The following SEPTIN3 variants were observed in gnomAD, a reference collection of about 807,000 sequenced individuals.
SEPTIN3 encodes the protein septin 3.
In SEPTIN3, 15 loss-of-function variants were observed where a neutral mutation model predicts 45.1. That is an observed-to-expected ratio of 0.33 (90% CI 0.22 to 0.51). The LOEUF is 0.51. SEPTIN3 is among the 20% of genes least tolerant of loss of function. The pLI, the probability that SEPTIN3 is intolerant of heterozygous loss-of-function variation, is 0.97. For missense variants in SEPTIN3, 289 were observed against 457.2 expected (o/e 0.63, Z 3.35); for synonymous variants, 148 against 164.8 (o/e 0.90, Z 0.78).
chr22:41,992,579 C>A, intron 8 of SEPTIN3, 85 bp from the exon 9 acceptor site: 2 of 800,764 alleles, frequency 2.5e-6, no homozygotes, highest in Non-Finnish European at 4.1e-6. Context: ...GGCTAGAGGA[C>A]CATATGCCAT....
At chr22:41,985,012 C>T (rs190886017) in intron 3 of SEPTIN3, among the ~76,000 whole-genome samples, 13 of 152,194 alleles carry the variant, frequency 8.5e-5, no homozygotes, top group African/African-American at 1.9e-4. Context: ...GCCACCACGC[C>T]GGGCTAATTT....
chr22:41,988,846 C>G (rs2078252498), intron 6 of SEPTIN3, among the ~76,000 whole-genome samples: 1 of 152,282 alleles, frequency 6.6e-6, no homozygotes, highest in Middle Eastern at 3.4e-3. Context: ...GATGTACACA[C>G]TAGGCACGGT....
intron 4 of SEPTIN3, 102 bp from the exon 5 acceptor site, chr22:41,987,104 A>T: frequency 1.2e-6 from 1 of 813,656 alleles, no homozygotes; most frequent in Non-Finnish European, 1.9e-6. Flanking sequence ...CCAATAACTG[A>T]TCCTGAAGAC....
At chr22:41,996,292 T>G in intron 11 of SEPTIN3, 1 of 985,410 alleles carries the variant, frequency 1.0e-6, no homozygotes, top group Non-Finnish European at 1.2e-6. Flanking sequence ...GTAAGATTCA[T>G]GAAATTCGGG....
intron 6 of SEPTIN3, among the ~76,000 whole-genome samples, chr22:41,988,073 A>G (rs62241003): frequency 0.011 from 1,619 of 152,142 alleles, 10 homozygotes; most frequent in Non-Finnish European, 0.018. Context: ...AGCAGAGGGC[A>G]CTTCATTTAT....
intron 9 of SEPTIN3, among the ~76,000 whole-genome samples, chr22:41,993,616 A>G (rs536761402): frequency 2.0e-5 from 3 of 152,212 alleles, no homozygotes; most frequent in South Asian, 2.1e-4. Context: ...TTGGCCTCCC[A>G]AAGTGCTGGG....
At chr22:41,978,308 T>C (rs2078063055) in intron 2 of SEPTIN3, among the ~76,000 whole-genome samples, 1 of 152,190 alleles carries the variant, frequency 6.6e-6, no homozygotes, top group South Asian at 2.1e-4. Context: ...GCCTGTGGTA[T>C]GCTGGGTAGA....
At chr22:41,977,432 C>G (rs2078047701) in intron 2 of SEPTIN3, among the ~76,000 whole-genome samples, 1 of 152,136 alleles carries the variant, frequency 6.6e-6, no homozygotes, top group Admixed American at 6.5e-5. Context: ...TACGTCCCCT[C>G]CCCCGCAACC....
rs2078393509 is a variant in SEPTIN3, at chr22:41,994,654, C to A, written c.2445C>A (p.His815Gln). ...THLQDLKEVTHNIHYETYRAK... is the reference protein window; with the variant it reads ...THLQDLKEVTQNIHYETYRAK... ...TCCAGGACCTCAAGGAAGTGACACACAACATCCACTATGAGACTTACAGGG... is the reference window on the plus strand; with the variant it reads ...TCCAGGACCTCAAGGAAGTGACACAAAACATCCACTATGAGACTTACAGGG... The change falls in exon 11 of 12, where the codon CAC (histidine) becomes CAA (glutamine). Residue 815 changes from histidine (H) to glutamine (Q), a missense_variant. Transcript: ENST00000644076. This position sits in a 1 kb window ranked among gnomAD's most constrained non-coding sequence, Gnocchi z 4.2. The A allele has an allele frequency of 6.2e-7, 1 of 1,614,140 alleles. No homozygotes were observed. Among genetic ancestry groups the A allele is most frequent in the Non-Finnish European group, 8.5e-7 (1 of 1,180,010 alleles).
At position 41,972,050 on chromosome 22, in the gene SEPTIN3, G is replaced by C. The variant is rs754484212; in HGVS notation, c.558G>C (p.Leu186=). Residue 186 remains leucine (L), a synonymous_variant, in exon 2 of 12, where the codon CTG becomes CTC. Transcript: ENST00000644076. ...SNRMLATEKP[L]VSSYLALPFQ... is the part of the protein sequence containing the mutation. Reference sequence around the variant, plus strand: ...GGATGCTTGCCACGGAGAAGCCCCTGGTGAGTTCCTACCTAGCCTTACCTT... The same window carrying C: ...GGATGCTTGCCACGGAGAAGCCCCTCGTGAGTTCCTACCTAGCCTTACCTT... 44 of 399,020 alleles carry C rather than the reference G, an allele frequency of 1.1e-4. No individual in the cohort carries two copies. The highest frequency in any genetic ancestry group is 6.2e-4 in the Middle Eastern group (1 of 1,612). 24.7% of individuals were successfully genotyped at this position (399,020 alleles called of 1,614,324 possible).
rs1040090901 is a variant in SEPTIN3, at chr22:41,996,714, C to G, written c.2506-188C>G. On this transcript the variant is annotated intron_variant, in intron 11 of 11. Transcript: ENST00000644076. ...GATCCTTGGCTACTGTAGAAGCAGTCCTGTATGGAGACCTTGGACCAGCAG... is the reference window on the plus strand; with the variant it reads ...GATCCTTGGCTACTGTAGAAGCAGTGCTGTATGGAGACCTTGGACCAGCAG... 1.8e-5 allele frequency: 27 copies of G among 1,480,502 alleles called. No homozygotes were observed. In the East Asian group the frequency reaches 3.8e-4, roughly 21 times the overall value. The allele number at this position is 1,480,502 out of a possible 1,614,324, so 91.7% of individuals were successfully genotyped here.
intron 6 of SEPTIN3, among the ~76,000 whole-genome samples, chr22:41,988,231 G>GTTCC (rs2078242546): frequency 6.6e-6 from 1 of 152,168 alleles, no homozygotes; most frequent in Non-Finnish European, 1.5e-5. Context: ...AGCCTGGAGT[G>GTTCC]AGGCATTGTG....
intron 11 of SEPTIN3, chr22:41,995,171 A>G (rs2078408961): frequency 1.5e-5 from 16 of 1,056,460 alleles, no homozygotes; most frequent in Non-Finnish European, 1.8e-5. Context: ...AACTGGGGCT[A>G]TAGAGATTCT....
At chr22:41,977,111 A>C (rs1302060012) in intron 2 of SEPTIN3, 7 of 1,584,920 alleles carry the variant, frequency 4.4e-6, no homozygotes, top group Non-Finnish European at 6.0e-6. Flanking sequence ...ACCCGCCAGG[A>C]GGAGGCTGCG....
Position 41,998,081 on chromosome 22 carries a change from T to C in SEPTIN3, c.*1114T>C, listed in dbSNP as rs887736861. 6.5e-6 allele frequency: 1 copy of C among 152,678 alleles called. No individual in the cohort carries two copies. The highest frequency in any genetic ancestry group is 2.4e-5 in the African/African-American group (1 of 41,462). The allele number at this position is 152,678 out of a possible 1,614,324, so 9.5% of individuals were successfully genotyped here. A position where few individuals can be genotyped will look rare whatever the true frequency, so the allele number is the denominator to read the frequency against. The stretch of plus-strand genomic sequence containing the variant: ...GCAAGAACAACCCGTTTCTTAAATG[T>C]TACCAGTCCCAGCCAATCTTACGGT... On this transcript the variant is annotated 3_prime_UTR_variant, in exon 12 of 12. Transcript: ENST00000644076.
intron 3 of SEPTIN3, among the ~76,000 whole-genome samples, chr22:41,982,391 G>A (rs908679750): frequency 6.6e-6 from 1 of 152,104 alleles, no homozygotes; most frequent in Admixed American, 6.5e-5. Flanking sequence ...GCCTGTAATC[G>A]CAGCTACTCG....
chr22:41,981,792 A>C lies in SEPTIN3; in HGVS notation c.1652A>C (p.Lys551Thr). Residue 551 changes from lysine (K) to threonine (T), a missense_variant, in exon 3 of 12, where the codon AAG (lysine) becomes ACG (threonine). Coordinates refer to ENST00000644076, the MANE Select transcript of SEPTIN3 (RefSeq NM_001363845.2). ...GIDTIIEQMR[K>T]KTMKTGFDFN... The stretch of plus-strand genomic sequence containing the variant: ...GACACCATCATCGAGCAGATGCGCA[A>C]GAAGACCATGAAGACCGGTTTCGAC... 1 of 1,614,072 alleles carries C rather than the reference A, an allele frequency of 6.2e-7. No homozygotes were observed. The highest frequency in any genetic ancestry group is 1.3e-5 in the African/African-American group (1 of 75,070).
chr22:41,996,752 G>A, intron 11 of SEPTIN3, 150 bp from the exon 12 acceptor site: 3 of 1,515,088 alleles, frequency 2.0e-6, no homozygotes, highest in South Asian at 2.6e-5. Context: ...GAAGATCTAT[G>A]GGCATGGGAG....
intron 11 of SEPTIN3, chr22:41,996,419 C>T: frequency 1.0e-6 from 1 of 986,518 alleles, no homozygotes; most frequent in South Asian, 4.7e-5. Context: ...CACTGGTCCT[C>T]TATGAATCCC....
Sources: allele counts gnomAD v4.1 joint callset (sites outside exome capture counted in the v4.1 genomes callset), GRCh38; gene constraint gnomAD v4.1.1; non-coding constraint Gnocchi (gnomAD v3.1); transcripts MANE v1.5; gene names NCBI Gene and HGNC (gene_info 2026-07-23, HGNC 2026-07-21).